CHD1L: variants seen among roughly 807,000 people sequenced by gnomAD.
The protein encoded by CHD1L is chromodomain helicase DNA binding protein 1 like, also known as ATP-dependent chromatin remodeler CHD1L.
Under a neutral mutation model 115.9 loss-of-function variants are expected in CHD1L, and 118 were observed. The ratio of observed to expected loss-of-function variants is 1.02; its 90% confidence interval spans 0.88 to 1.19. The LOEUF is 1.19. Ranked by LOEUF, CHD1L falls within the 50% of genes most tolerant of loss-of-function variation. The pLI, the probability that CHD1L is intolerant of heterozygous loss-of-function variation, is 0.00. For missense variants in CHD1L, 1,179 were observed against 1,065.3 expected, an observed-to-expected ratio of 1.11 and a Z score of -1.49; for synonymous variants, 411 against 387.1, an observed-to-expected ratio of 1.06 and a Z score of -0.72.
In CHD1L at chr1:147,292,809, C is replaced by T. The variant is rs587630767; in HGVS notation, c.2392-799C>T. 1.6e-4 allele frequency among the ~76,000 whole-genome samples: 24 copies of T among 152,270 alleles called. No homozygotes were observed. In the South Asian group the frequency reaches 4.4e-3, roughly 28 times the overall value. On this transcript the variant is annotated intron_variant, in intron 20 of 22. Transcript: ENST00000369258. ...CAAGAACTCATCACCAAGGGTATGGCATTAAGCCATCCATGAGGGATCCAC... is the reference window on the plus strand; with the variant it reads ...CAAGAACTCATCACCAAGGGTATGGTATTAAGCCATCCATGAGGGATCCAC...
chr1:147,201,506 T>C, the CHD1L span: 35 of 1,603,190 alleles, frequency 2.2e-5, no homozygotes, highest in South Asian at 3.5e-4. Context: ...CTCAGAGCTC[T>C]GTGAGTCGTG....
chr1:147,267,570 C>A, intron 9 of CHD1L, 52 bp downstream of exon 9: 1 of 1,346,936 alleles, frequency 7.4e-7, no homozygotes, highest in South Asian at 1.3e-5. Flanking sequence ...GTTTCTGTGG[C>A]CAAATCATAC....
At chr1:147,181,746 T>C in the CHD1L span, among the ~76,000 whole-genome samples, 1 of 152,300 alleles carries the variant, frequency 6.6e-6, no homozygotes, top group Admixed American at 6.5e-5. Context: ...TAAGCAAGTA[T>C]GGAGGAGAGC....
the CHD1L span, chr1:147,204,608 C>A: frequency 2.3e-5 from 37 of 1,592,134 alleles, no homozygotes; most frequent in Non-Finnish European, 3.0e-5. Flanking sequence ...AGGAGAGCTC[C>A]GGCAAATACC....
At chr1:147,286,717 C>T (rs2102928969) in intron 18 of CHD1L, among the ~76,000 whole-genome samples, 1 of 152,298 alleles carries the variant, frequency 6.6e-6, no homozygotes, top group African/African-American at 2.4e-5. Context: ...CTTCAACTTC[C>T]TTATCCATAT....
the CHD1L span, among the ~76,000 whole-genome samples, chr1:147,193,736 C>A: frequency 6.6e-6 from 1 of 152,100 alleles, no homozygotes; most frequent in Non-Finnish European, 1.5e-5. Flanking sequence ...CAAAGAACAT[C>A]TTTATTTCTG....
rs150631931 is a variant in CHD1L at position 147,272,247 on chromosome 1, G to A, written c.1236G>A (p.Gln412=). ...TGGCCATTAAGAACTTTGGACAGCAGCCCATTTTCGTTTTTCTCCTGAGTA... is the reference window on the plus strand; with the variant it reads ...TGGCCATTAAGAACTTTGGACAGCAACCCATTTTCGTTTTTCTCCTGAGTA... ...RHLAIKNFGQ[Q]PIFVFLLSTR... Residue 412 remains glutamine (Q), a synonymous_variant, in exon 12 of 23, where the codon CAG becomes CAA. Coordinates refer to ENST00000369258, the MANE Select transcript of CHD1L (RefSeq NM_004284.6). The A allele has an allele frequency of 6.2e-7, 1 of 1,614,024 alleles. No individual in the cohort carries two copies. The highest frequency in any genetic ancestry group is 1.3e-5 in the African/African-American group (1 of 74,930).
chr1:147,294,346 G>A, intron 21 of CHD1L, 63 bp from the exon 22 acceptor site: 2 of 1,122,532 alleles, frequency 1.8e-6, no homozygotes, highest in Admixed American at 2.2e-5. Context: ...TCTCCCATGT[G>A]TATTTTATAC....
At chr1:147,199,937 A>G in the CHD1L span, among the ~76,000 whole-genome samples, 1 of 152,188 alleles carries the variant, frequency 6.6e-6, no homozygotes, top group Non-Finnish European at 1.5e-5. Context: ...TAGTAACAAT[A>G]GCAAATTTTG....
At chr1:147,265,792 TA>T in intron 7 of CHD1L, 139 bp from the exon 8 acceptor site, 11 of 650,690 alleles carry the variant, frequency 1.7e-5, no homozygotes, top group Non-Finnish European at 1.9e-5. Context: ...AGAAATACTA[TA>T]AAAAAATGAT....
the CHD1L span, among the ~76,000 whole-genome samples, chr1:147,173,933 T>G: frequency 6.6e-6 from 1 of 152,382 alleles, no homozygotes; most frequent in African/African-American, 2.4e-5. Context: ...GAATACTGTT[T>G]ACTGTAATCC....
the CHD1L span, chr1:147,213,197 A>G: frequency 8.4e-6 from 7 of 833,156 alleles, no homozygotes; most frequent in Non-Finnish European, 1.2e-5. Context: ...TAATTAGGAT[A>G]AGTCTTACTT....
At chr1:147,243,764 A>G (rs929890261) in intron 1 of CHD1L, among the ~76,000 whole-genome samples, 2 of 152,224 alleles carry the variant, frequency 1.3e-5, no homozygotes, top group Non-Finnish European at 2.9e-5. Context: ...ATTGGCTACA[A>G]AGATGAGCAA....
intron 1 of CHD1L, among the ~76,000 whole-genome samples, chr1:147,250,730 A>G (rs1466698356): frequency 6.6e-6 from 1 of 151,516 alleles, no homozygotes; most frequent in South Asian, 2.1e-4. Context: ...GGTGTTTACT[A>G]GAATAGAGCA....
At chr1:147,242,534 C>T (rs1368008869), upstream of CHD1L, 3 of 635,658 alleles carry the variant, frequency 4.7e-6, no homozygotes, top group Non-Finnish European at 6.7e-6. Context: ...AACTGCCTGT[C>T]CGGAAGGGTG....
chr1:147,291,522 TA>T lies in CHD1L; in HGVS notation c.2364del (p.Glu789AsnfsTer12), dbSNP rs782315074. On this transcript the variant is annotated frameshift_variant, in exon 20 of 23. Coordinates refer to ENST00000369258, the MANE Select transcript of CHD1L (RefSeq NM_004284.6). LOFTEE classifies it high-confidence loss of function. ...GTGTCCTTTTATTTCCTGTTGATGATAAAGAATCAAGAAACAAAGGGCAAGA... is the reference window on the plus strand; with the variant it reads ...GTGTCCTTTTATTTCCTGTTGATGATAAGAATCAAGAAACAAAGGGCAAGA... Reference protein sequence around the residue: ...GGVLLFPVDDKESRNKGQDLL... With the variant: ...GGVLLFPVDDXESRNKGQDLL... The T allele has an allele frequency of 1.3e-4, 208 of 1,613,856 alleles. No individual in the cohort carries two copies. Among genetic ancestry groups the T allele is most frequent in the Non-Finnish European group, 1.7e-4 (200 of 1,179,922 alleles).
the CHD1L span, chr1:147,178,077 G>A: frequency 7.7e-7 from 1 of 1,302,248 alleles, no homozygotes; most frequent in African/African-American, 1.5e-5. Context: ...CAGTCGAGCC[G>A]CGACCCTTCC....
chr1:147,260,919 C>T (rs1159601153), intron 6 of CHD1L: 4 of 152,126 alleles, frequency 2.6e-5, no homozygotes, highest in Non-Finnish European at 4.4e-5. Context: ...AAGATTTGTT[C>T]ATTGATGAGA....
At chr1:147,284,639 A>AGT (rs1682341437) in intron 16 of CHD1L, 140 bp downstream of exon 16, 2 of 738,056 alleles carry the variant, frequency 2.7e-6, no homozygotes, top group Non-Finnish European at 4.2e-6. Flanking sequence ...ATGTTATTAT[A>AGT]ATTAACTATA....
Sources: allele counts gnomAD v4.1 joint callset (sites outside exome capture counted in the v4.1 genomes callset), GRCh38; gene constraint gnomAD v4.1.1; transcripts MANE v1.5; gene names NCBI Gene and HGNC (gene_info 2026-07-23, HGNC 2026-07-21).